Variants in PDE1A observed in about 807,000 individuals in gnomAD.
PDE1A encodes dual specificity calcium/calmodulin-dependent 3',5'-cyclic nucleotide phosphodiesterase 1A.
A neutral mutation model predicts 61.7 loss-of-function variants in PDE1A; 35 were observed. The observed-to-expected ratio is 0.57, with a 90% confidence interval of 0.43 to 0.75. The LOEUF is 0.75. Among genes scored for constraint, PDE1A ranks in the 30% least tolerant of loss-of-function variants. The pLI, the probability that PDE1A is intolerant of heterozygous loss-of-function variation, is 0.00. For synonymous variants in PDE1A, 232 were observed against 213.2 expected, an observed-to-expected ratio of 1.09 and a Z score of -0.77; for missense variants, 597 against 630.6, an observed-to-expected ratio of 0.95 and a Z score of 0.57.
At chr2:182,264,969 G>A (rs113610730) in intron 1 of PDE1A, among the ~76,000 whole-genome samples, 1,755 of 149,412 alleles carry the variant, frequency 0.012, 26 homozygotes, top group African/African-American at 0.04. Context: ...ACTTGGATGG[G>A]GCTGGAGGCC....
intron 1 of PDE1A, among the ~76,000 whole-genome samples, chr2:182,391,793 T>A (rs949369295): frequency 1.3e-5 from 2 of 152,242 alleles, no homozygotes; most frequent in African/African-American, 4.8e-5. Flanking sequence ...CATGTAGAGC[T>A]CTGGCATTGG....
intron 1 of PDE1A, among the ~76,000 whole-genome samples, chr2:182,340,419 C>T (rs1308500552): frequency 1.3e-5 from 2 of 152,156 alleles, no homozygotes; most frequent in African/African-American, 2.4e-5. Context: ...TGGGTTCCGA[C>T]ACCTCCTTTC....
At chr2:182,210,931 T>G (rs1204370023) in intron 7 of PDE1A, among the ~76,000 whole-genome samples, 2 of 152,030 alleles carry the variant, frequency 1.3e-5, no homozygotes, top group African/African-American at 2.4e-5. Context: ...TTTATCACAG[T>G]TCTTAACTGG....
chr2:182,444,425 A>G (rs1685001004), intron 2 of PDE1A, among the ~76,000 whole-genome samples: 1 of 152,150 alleles, frequency 6.6e-6, no homozygotes, highest in East Asian at 1.9e-4. Flanking sequence ...ATTAATCATT[A>G]ACTGTAACTT....
intron 13 of PDE1A, among the ~76,000 whole-genome samples, chr2:182,180,012 C>T (rs1057404862): frequency 2.6e-5 from 4 of 152,118 alleles, no homozygotes; most frequent in African/African-American, 7.2e-5. Flanking sequence ...TATTCCAAAG[C>T]TCTAAACATC....
At chr2:182,390,707 C>A (rs1231474903) in intron 1 of PDE1A, among the ~76,000 whole-genome samples, 2 of 152,150 alleles carry the variant, frequency 1.3e-5, no homozygotes, top group Non-Finnish European at 2.9e-5. Flanking sequence ...CACCAGGTGT[C>A]TACTGTTAAA....
At chr2:182,533,871 CTCTT>C in the PDE1A span, among the ~76,000 whole-genome samples, 4 of 152,000 alleles carry the variant, frequency 2.6e-5, no homozygotes, top group Non-Finnish European at 4.4e-5. Flanking sequence ...AGAGGTAAAA[CTCTT>C]TCTTTCTGTG....
intron 1 of PDE1A, among the ~76,000 whole-genome samples, chr2:182,319,477 A>T (rs1028234178): frequency 6.6e-6 from 1 of 152,184 alleles, no homozygotes; most frequent in Admixed American, 6.6e-5. Context: ...ATTTAGCTGT[A>T]AGTGTATCTT....
chr2:182,456,232 C>T (rs1191902044), intron 2 of PDE1A, among the ~76,000 whole-genome samples: 1 of 151,966 alleles, frequency 6.6e-6, no homozygotes, highest in African/African-American at 2.4e-5. Flanking sequence ...ATCAGCCATG[C>T]AAACAATCGG....
chr2:182,346,757 G>C (rs1698544353), intron 1 of PDE1A, among the ~76,000 whole-genome samples: 1 of 152,048 alleles, frequency 6.6e-6, no homozygotes, highest in Non-Finnish European at 1.5e-5. Context: ...GTACAAAAAT[G>C]ATCATTGATT....
chr2:182,252,091 C>A (rs1691443000), intron 2 of PDE1A, among the ~76,000 whole-genome samples: 1 of 152,084 alleles, frequency 6.6e-6, no homozygotes, highest in Admixed American at 6.5e-5. Flanking sequence ...GTGTCCTTCA[C>A]AAATATTTGT....
At chr2:182,152,835 A>G (rs1413249169) in intron 13 of PDE1A, among the ~76,000 whole-genome samples, 6 of 152,240 alleles carry the variant, frequency 3.9e-5, no homozygotes, top group African/African-American at 1.4e-4. Context: ...CACACTAGGC[A>G]GAAGAAAAAG....
At chr2:182,630,095 ATAGTAT>A in the PDE1A span, among the ~76,000 whole-genome samples, 1 of 152,064 alleles carries the variant, frequency 6.6e-6, no homozygotes, top group Non-Finnish European at 1.5e-5. Flanking sequence ...TTTGTCTATT[ATAGTAT>A]TAATCTTCTG....
At chr2:182,332,007 T>A (rs966706247) in intron 1 of PDE1A, among the ~76,000 whole-genome samples, 1 of 152,228 alleles carries the variant, frequency 6.6e-6, no homozygotes, top group African/African-American at 2.4e-5. Flanking sequence ...GGTTTGGTCT[T>A]TTCACATAGT....
the PDE1A span, among the ~76,000 whole-genome samples, chr2:182,541,327 T>C: frequency 7.9e-5 from 12 of 152,220 alleles, no homozygotes; most frequent in Non-Finnish European, 1.3e-4. Flanking sequence ...ACTTAAGCTC[T>C]CTATATTCCA....
At chr2:182,648,569 T>C in the PDE1A span, among the ~76,000 whole-genome samples, 1 of 145,386 alleles carries the variant, frequency 6.9e-6, no homozygotes, top group African/African-American at 2.6e-5. Flanking sequence ...GGTGCACTGG[T>C]GCATGCCTGG....
intron 2 of PDE1A, among the ~76,000 whole-genome samples, chr2:182,443,251 A>C (rs1684908181): frequency 6.6e-6 from 1 of 151,954 alleles, no homozygotes; most frequent in Non-Finnish European, 1.5e-5. Flanking sequence ...TTTGCTTAAA[A>C]ATCTTTCAGT....
At chr2:182,352,783 T>G (rs1369786044) in intron 1 of PDE1A, among the ~76,000 whole-genome samples, 1 of 152,038 alleles carries the variant, frequency 6.6e-6, no homozygotes, top group Non-Finnish European at 1.5e-5. Context: ...AGATAAGATT[T>G]TGTAAACAAA....
chr2:182,692,323 C>T, the PDE1A span, among the ~76,000 whole-genome samples: 5 of 152,006 alleles, frequency 3.3e-5, no homozygotes, highest in East Asian at 1.9e-4. Flanking sequence ...ATATACACCA[C>T]GGAATACTAT....
Sources: gnomAD v4.1 joint callset for allele counts (sites outside exome capture counted in the v4.1 genomes callset) on GRCh38, gnomAD v4.1.1 for gene constraint, MANE v1.5 for transcripts, NCBI Gene and HGNC (gene_info 2026-07-23, HGNC 2026-07-21) for gene names.